PRIM2: variants seen among roughly 807,000 people sequenced by gnomAD.
The protein encoded by PRIM2 is DNA primase subunit 2.
A neutral mutation model predicts 67.3 loss-of-function variants in PRIM2; 39 were observed. The observed-to-expected ratio is 0.58, with a 90% confidence interval of 0.45 to 0.76. The LOEUF is 0.76. Among genes scored for constraint, PRIM2 ranks in the 30% least tolerant of loss-of-function variants. PRIM2 has a pLI of 0.00. For missense variants in PRIM2, 398 were observed against 598.7 expected (o/e 0.66, Z 3.50); for synonymous variants, 143 against 198.7 (o/e 0.72, Z 2.36).
chr6:57,304,219 G>GA, the PRIM2 span, among the ~76,000 whole-genome samples: 4 of 151,750 alleles, frequency 2.6e-5, no homozygotes, highest in Admixed American at 6.6e-5. Context: ...AAAATGGATG[G>GA]AAAAAAATGG....
At chr6:57,322,438 G>A (rs1313195738) in intron 3 of PRIM2, among the ~76,000 whole-genome samples, 5 of 152,154 alleles carry the variant, frequency 3.3e-5, no homozygotes, top group African/African-American at 7.2e-5. Flanking sequence ...GAGGGACCCG[G>A]TGGGAGGTAA....
intron 11 of PRIM2, among the ~76,000 whole-genome samples, chr6:57,602,557 T>C (rs1288812148): frequency 2.6e-5 from 4 of 152,182 alleles, no homozygotes; most frequent in African/African-American, 9.7e-5. Context: ...TTTTTTAGCC[T>C]AGCAGCCATA....
intron 12 of PRIM2, among the ~76,000 whole-genome samples, chr6:57,609,928 A>G (rs1161361261): frequency 1.3e-5 from 2 of 152,218 alleles, no homozygotes; most frequent in African/African-American, 2.4e-5. Flanking sequence ...TAGATCTTGA[A>G]AACTCCAAGC....
intron 7 of PRIM2, among the ~76,000 whole-genome samples, chr6:57,403,385 T>G (rs1234635255): frequency 6.6e-6 from 1 of 151,752 alleles, no homozygotes; most frequent in Non-Finnish European, 1.5e-5. Flanking sequence ...GCCTCCCTAG[T>G]AGCTGGGACT....
intron 10 of PRIM2, among the ~76,000 whole-genome samples, chr6:57,568,180 A>G (rs2127480535): frequency 6.6e-6 from 1 of 152,276 alleles, no homozygotes; most frequent in Non-Finnish European, 1.5e-5. Flanking sequence ...AATGCTTTGT[A>G]TTTGACCACA....
In PRIM2 at chr6:57,617,513, G is replaced by A. The variant is rs1462984163; in HGVS notation, c.1230+11056G>A. Among the ~76,000 whole-genome samples the A allele has an allele frequency of 1.1e-3, 166 of 152,258 alleles. 1 individual carries two copies. Among genetic ancestry groups the A allele is most frequent in the African/African-American group, 3.7e-3 (155 of 41,558 alleles). On this transcript the variant is annotated intron_variant, in intron 12 of 13. Coordinates refer to ENST00000615550, the MANE Select transcript of PRIM2 (RefSeq NM_000947.5). ...TTGCATTTTTCTAATGAATAATGAC[G>A]TTGAGCATCTTTTTATATGCTTTTT...
At chr6:57,524,649 C>T (rs1379639019) in intron 8 of PRIM2, among the ~76,000 whole-genome samples, 3 of 151,726 alleles carry the variant, frequency 2.0e-5, no homozygotes, top group African/African-American at 7.3e-5. Context: ...TGCGGTGAGC[C>T]GAGATCGTAC....
chr6:57,465,970 C>T (rs571552390), intron 7 of PRIM2, among the ~76,000 whole-genome samples: 10 of 151,994 alleles, frequency 6.6e-5, no homozygotes, highest in African/African-American at 2.4e-4. Flanking sequence ...ATCCCTCCCC[C>T]AGCTCCCCAC....
At chr6:57,481,095 A>G (rs1383451368) in intron 7 of PRIM2, among the ~76,000 whole-genome samples, 3 of 152,194 alleles carry the variant, frequency 2.0e-5, no homozygotes, top group Admixed American at 1.3e-4. Context: ...TCTTACATTA[A>G]CTATATTATA....
chr6:57,578,424 A>G (rs1776001563), intron 10 of PRIM2, among the ~76,000 whole-genome samples: 1 of 151,958 alleles, frequency 6.6e-6, no homozygotes, highest in Non-Finnish European at 1.5e-5. Context: ...GTTATTTTCT[A>G]TTTCCCCTAT....
intron 5 of PRIM2, among the ~76,000 whole-genome samples, chr6:57,329,050 T>A (rs894774656): frequency 1.3e-5 from 2 of 152,218 alleles, no homozygotes; most frequent in African/African-American, 4.8e-5. Context: ...TACAAGTCCA[T>A]TATCAGATAT....
At chr6:57,264,514 A>G in the PRIM2 span, among the ~76,000 whole-genome samples, 3 of 151,410 alleles carry the variant, frequency 2.0e-5, no homozygotes, top group African/African-American at 7.3e-5. Context: ...TCATTTTATC[A>G]TTGAATACAC....
At chr6:57,443,069 C>T (rs9475959) in intron 7 of PRIM2, among the ~76,000 whole-genome samples, 1 of 152,116 alleles carries the variant, frequency 6.6e-6, no homozygotes, top group Non-Finnish European at 1.5e-5. Flanking sequence ...TTGTTGCAGA[C>T]AACAGAACAC....
intron 8 of PRIM2, among the ~76,000 whole-genome samples, chr6:57,525,264 A>G (rs1346539547): frequency 6.6e-6 from 1 of 152,210 alleles, no homozygotes; most frequent in East Asian, 1.9e-4. Flanking sequence ...AAACCCCTTC[A>G]ACAACCTTAA....
chr6:57,425,408 G>C (rs1233784810), intron 7 of PRIM2, among the ~76,000 whole-genome samples: 3 of 151,944 alleles, frequency 2.0e-5, no homozygotes, highest in Non-Finnish European at 4.4e-5. Context: ...GTAGAGATGG[G>C]GTTTCACCAT....
At chr6:57,495,335 G>A (rs1554346275) in intron 7 of PRIM2, among the ~76,000 whole-genome samples, 1 of 152,202 alleles carries the variant, frequency 6.6e-6, no homozygotes, top group Non-Finnish European at 1.5e-5. Context: ...ACACTGGGCT[G>A]TTCTATATTT....
At chr6:57,478,324 G>T (rs1187494269) in intron 7 of PRIM2, among the ~76,000 whole-genome samples, 7 of 141,694 alleles carry the variant, frequency 4.9e-5, no homozygotes, top group Admixed American at 1.4e-4. Context: ...TGTTGTGGTT[G>T]TGTTTTTTTT....
intron 10 of PRIM2, among the ~76,000 whole-genome samples, chr6:57,580,078 C>G (rs1270564300): frequency 6.6e-6 from 1 of 151,990 alleles, no homozygotes; most frequent in African/African-American, 2.4e-5. Context: ...TTGCAGTCTT[C>G]TTGGTAGCTC....
At chr6:57,459,563 G>C (rs1195112873) in intron 7 of PRIM2, among the ~76,000 whole-genome samples, 1 of 152,034 alleles carries the variant, frequency 6.6e-6, no homozygotes, top group East Asian at 1.9e-4. Flanking sequence ...AACATACCTG[G>C]CTTATGAAAT....
Sources: allele counts gnomAD v4.1 joint callset (sites outside exome capture counted in the v4.1 genomes callset), GRCh38; gene constraint gnomAD v4.1.1; transcripts MANE v1.5; gene names NCBI Gene and HGNC (gene_info 2026-07-23, HGNC 2026-07-21).